GNA14: variants seen among roughly 807,000 people sequenced by gnomAD.
GNA14 encodes G protein subunit alpha 14.
GNA14 carries 50 observed loss-of-function variants against 42.0 expected under a neutral mutation model. The observed-to-expected ratio is 1.19, with a 90% CI of 0.95 to 1.51. GNA14 has a LOEUF of 1.51. Ranked by LOEUF, GNA14 falls within the 40% of genes most tolerant of loss-of-function variation. GNA14 has a pLI of 0.00. For missense variants in GNA14, 473 were observed against 446.2 expected, an observed-to-expected ratio of 1.06 and a Z score of -0.54; for synonymous variants, 173 against 163.1, an observed-to-expected ratio of 1.06 and a Z score of -0.46.
chr9:77,575,032 A>G (rs902987529), intron 1 of GNA14, among the ~76,000 whole-genome samples: 2 of 152,224 alleles, frequency 1.3e-5, no homozygotes, highest in Non-Finnish European at 2.9e-5. Flanking sequence ...AAACTTTTCT[A>G]GAGGATAGTT....
At chr9:77,428,664 G>C (rs1835493526) in intron 5 of GNA14, among the ~76,000 whole-genome samples, 2 of 152,132 alleles carry the variant, frequency 1.3e-5, no homozygotes, top group African/African-American at 4.8e-5. Flanking sequence ...ATATGTATTT[G>C]AATTACCTGG....
intron 2 of GNA14, among the ~76,000 whole-genome samples, chr9:77,517,271 C>T (rs143827295): frequency 1.7e-4 from 26 of 152,098 alleles, no homozygotes; most frequent in African/African-American, 5.8e-4. Context: ...CGGATGCCCA[C>T]GTTTCAGGGA....
At chr9:77,492,179 T>C (rs551837354) in intron 2 of GNA14, among the ~76,000 whole-genome samples, 1 of 152,084 alleles carries the variant, frequency 6.6e-6, no homozygotes, top group East Asian at 1.9e-4. Flanking sequence ...AGCACATCTA[T>C]AGCAATAAAT....
At chr9:77,619,312 T>C (rs1357621875) in intron 1 of GNA14, among the ~76,000 whole-genome samples, 11 of 152,180 alleles carry the variant, frequency 7.2e-5, no homozygotes, top group Non-Finnish European at 2.9e-5. Flanking sequence ...GTTCAAGTGA[T>C]TGTCCTGCCT....
At chr9:77,615,811 T>C (rs922380138) in intron 1 of GNA14, among the ~76,000 whole-genome samples, 1 of 151,758 alleles carries the variant, frequency 6.6e-6, no homozygotes, top group African/African-American at 2.4e-5. Context: ...CATGCGAACC[T>C]TCCAAGTCCA....
chr9:77,458,896 C>G (rs899861824), intron 2 of GNA14, among the ~76,000 whole-genome samples: 2 of 97,336 alleles, frequency 2.1e-5, no homozygotes, highest in Non-Finnish European at 4.2e-5. Flanking sequence ...CCTTTTATCA[C>G]AAGCTGGAGG....
At chr9:77,532,800 G>T (rs993861419) in intron 1 of GNA14, among the ~76,000 whole-genome samples, 2 of 152,104 alleles carry the variant, frequency 1.3e-5, no homozygotes, top group African/African-American at 4.8e-5. Flanking sequence ...AAATGCATGT[G>T]CTGGTGGAGG....
chr9:77,528,060 G>T (rs992876305), intron 2 of GNA14, among the ~76,000 whole-genome samples: 1 of 152,188 alleles, frequency 6.6e-6, no homozygotes, highest in African/African-American at 2.4e-5. Flanking sequence ...TGAGGTAAAG[G>T]CAAGTCTGAA....
chr9:77,543,298 G>C (rs1837681728), intron 1 of GNA14, among the ~76,000 whole-genome samples: 1 of 152,226 alleles, frequency 6.6e-6, no homozygotes, highest in Non-Finnish European at 1.5e-5. Context: ...CAGCTGTGGG[G>C]CTTATGGGTT....
chr9:77,479,292 T>C (rs1181101301), intron 2 of GNA14, among the ~76,000 whole-genome samples: 3 of 152,246 alleles, frequency 2.0e-5, no homozygotes, highest in Admixed American at 2.0e-4. Context: ...CCTTTCCCCA[T>C]TGCTTGTTTT....
chr9:77,513,012 A>G (rs1299069955), intron 2 of GNA14, among the ~76,000 whole-genome samples: 3 of 152,262 alleles, frequency 2.0e-5, no homozygotes, highest in African/African-American at 7.2e-5. Context: ...TTATCCAGTG[A>G]AAGCACTAAT....
At chr9:77,538,644 C>T (rs1185696320) in intron 1 of GNA14, among the ~76,000 whole-genome samples, 1 of 151,980 alleles carries the variant, frequency 6.6e-6, no homozygotes, top group Non-Finnish European at 1.5e-5. Context: ...GATCTTTCAC[C>T]TCACTGATTA....
At chr9:77,539,139 G>GT (rs746140747) in intron 1 of GNA14, among the ~76,000 whole-genome samples, 30 of 152,214 alleles carry the variant, frequency 2.0e-4, no homozygotes, top group Non-Finnish European at 4.0e-4. Flanking sequence ...GATGTCAGCT[G>GT]TGAGGTTTTC....
At chr9:77,603,858 G>C (rs1382109119) in intron 1 of GNA14, among the ~76,000 whole-genome samples, 1 of 147,638 alleles carries the variant, frequency 6.8e-6, no homozygotes, top group Non-Finnish European at 1.5e-5. Flanking sequence ...GCGGGAGAAT[G>C]GTGTGAACCT....
At chr9:77,628,218 A>T (rs922276083) in intron 1 of GNA14, among the ~76,000 whole-genome samples, 1 of 152,192 alleles carries the variant, frequency 6.6e-6, no homozygotes, top group African/African-American at 2.4e-5. Context: ...AGAACTACAA[A>T]CCACTGCTCA....
chr9:77,529,632 G>C (rs753359658), intron 1 of GNA14, among the ~76,000 whole-genome samples: 10 of 152,190 alleles, frequency 6.6e-5, no homozygotes, highest in African/African-American at 2.4e-4. Context: ...AGAGAAAAAG[G>C]CTCATGAATC....
intron 1 of GNA14, among the ~76,000 whole-genome samples, chr9:77,534,697 C>G (rs1198994348): frequency 6.6e-6 from 1 of 152,232 alleles, no homozygotes; most frequent in Non-Finnish European, 1.5e-5. Context: ...ATGTGCCCAA[C>G]AGGCGGAAGA....
chr9:77,636,054 G>C (rs1232323024), intron 1 of GNA14, among the ~76,000 whole-genome samples: 1 of 152,226 alleles, frequency 6.6e-6, no homozygotes, highest in African/African-American at 2.4e-5. Context: ...TGGTGTTGAT[G>C]AAGACTACTA....
intron 1 of GNA14, among the ~76,000 whole-genome samples, chr9:77,644,437 C>CA (rs764737417): frequency 0.084 from 2,852 of 33,956 alleles, 408 homozygotes; most frequent in Middle Eastern, 0.12. Context: ...TAAAGAGTGT[C>CA]AAAAAAAAAA....
Sources: allele counts gnomAD v4.1 joint callset (sites outside exome capture counted in the v4.1 genomes callset), GRCh38; gene constraint gnomAD v4.1.1; transcripts MANE v1.5; gene names NCBI Gene and HGNC (gene_info 2026-07-23, HGNC 2026-07-21).